PGC: variants seen among roughly 807,000 people sequenced by gnomAD.
PGC encodes the protein gastricsin.
Under a neutral mutation model 45.9 loss-of-function variants are expected in PGC, and 31 were observed. The ratio of observed to expected loss-of-function variants is 0.67; its 90% CI spans 0.51 to 0.91. PGC has a LOEUF of 0.91. Ranked by LOEUF, PGC falls within the 40% of genes least tolerant of loss-of-function variation. PGC has a pLI of 0.00. For missense variants in PGC, 477 were observed against 493.2 expected (o/e 0.97, Z 0.31); for synonymous variants, 192 against 201.8 (o/e 0.95, Z 0.41).
In PGC at chr6:41,740,510, A is replaced by G; in HGVS notation, c.748T>C (p.Trp250Arg). 1 of 1,610,770 alleles carries G rather than the reference A, an allele frequency of 6.2e-7. No individual in the cohort carries two copies. Among genetic ancestry groups the G allele is most frequent in the Non-Finnish European group, 8.5e-7 (1 of 1,178,442 alleles). ...YWAPVTQELY[W>R]QIGIEEFLIG... ...ACTCACTCTTCAATGCCAATCTGCC[A>G]GTAGAGTTCCTGGGTGACAGGCGCC... The change falls in exon 6 of 9, where the codon TGG becomes CGG. Residue 250 changes from tryptophan (W) to arginine (R), a missense_variant. Transcript: ENST00000373025.
chr6:41,742,419 T>C lies in PGC; in HGVS notation c.518A>G (p.Tyr173Cys), dbSNP rs868562811. ...GCCCATGATGCCATCAAACTGCGCA[T>C]AGACGAAGTTGGTACCAGGCTCATT... The part of the protein sequence containing the change: ...SENEPGTNFV[Y>C]AQFDGIMGLA... Residue 173 changes from tyrosine to cysteine, a missense_variant, in exon 5 of 9, where the codon TAT (tyrosine) becomes TGT (cysteine). By Grantham distance (194) the Tyr-to-Cys change is radical (BLOSUM62 -2). Transcript: ENST00000373025. 10 of 1,614,062 alleles carry C rather than the reference T, an allele frequency of 6.2e-6. No homozygotes were observed. The highest frequency in any genetic ancestry group is 8.5e-6 in the Non-Finnish European group (10 of 1,179,982).
At chr6:41,739,150 G>T (rs775724549) in intron 7 of PGC, among the ~76,000 whole-genome samples, 1 of 152,154 alleles carries the variant, frequency 6.6e-6, no homozygotes, top group African/African-American at 2.4e-5. Context: ...GGGATAAAGG[G>T]TCAGCCCTGG....
rs1410073811 is a variant in PGC at position 41,739,847 on chromosome 6, CAT to C, written c.865_866del (p.Met289GlufsTer13). 2.5e-6 allele frequency: 4 copies of C among 1,614,120 alleles called. No homozygotes were observed. Among genetic ancestry groups the C allele is most frequent in the Non-Finnish European group, 3.4e-6 (4 of 1,179,996 alleles). ...TSLLTVPQQY[M>X]SALLQATGAQ... ...CCCCTGTGGCCTGCAGAAGAGCACT[CAT>C]GTACTGCTGGGGCACAGTGAGCAGA... On this transcript the variant is annotated frameshift_variant, in exon 7 of 9. Coordinates refer to ENST00000373025, the MANE Select transcript of PGC (RefSeq NM_002630.4). LOFTEE classifies it high-confidence loss of function.
At chr6:41,738,179 C>CATATATATAT (rs1293180457) in intron 7 of PGC, among the ~76,000 whole-genome samples, 2 of 21,310 alleles carry the variant, frequency 9.4e-5, no homozygotes, top group African/African-American at 1.9e-4. Context: ...TATATATATA[C>CATATATATAT]ATATATATAT....
rs374573617 is a variant in PGC, at chr6:41,736,810, G to A, written c.*42C>T. 2 of 1,608,604 alleles carry A rather than the reference G, an allele frequency of 1.2e-6. No homozygotes were observed. Among genetic ancestry groups the A allele is most frequent in the South Asian group, 2.2e-5 (2 of 90,930 alleles). The stretch of plus-strand genomic sequence containing the variant: ...GATACAATGCCCTAGGAGGGTGCAG[G>A]GTCAAGAGGAAGAGGGGAGCCCACG... On this transcript the variant is annotated 3_prime_UTR_variant, in exon 9 of 9. Coordinates refer to ENST00000373025, the MANE Select transcript of PGC (RefSeq NM_002630.4).
At chr6:41,740,284 C>T (rs1317577509) in intron 6 of PGC, among the ~76,000 whole-genome samples, 1 of 152,172 alleles carries the variant, frequency 6.6e-6, no homozygotes, top group African/African-American at 2.4e-5. Context: ...GGTCCTGCCC[C>T]TCCCTATGTT....
chr6:41,738,227 CATATATATATGTAT>C (rs1771749221), intron 7 of PGC, among the ~76,000 whole-genome samples: 1 of 13,304 alleles, frequency 7.5e-5, no homozygotes. Context: ...TATATATATG[CATATATATATGTAT>C]ATATATATGC....
At chr6:41,737,870 G>A in intron 7 of PGC, 42 bp from the exon 8 acceptor site, 1 of 1,184,490 alleles carries the variant, frequency 8.4e-7, no homozygotes, top group Non-Finnish European at 1.3e-6. Context: ...TCCTCCCCCT[G>A]ATAGCACCCA....
intron 7 of PGC, 115 bp from the exon 8 acceptor site, chr6:41,737,943 G>A: frequency 4.7e-6 from 3 of 636,974 alleles, no homozygotes; most frequent in Non-Finnish European, 8.6e-6. Flanking sequence ...CCCTAAGCCT[G>A]TTTTTGGACT....
chr6:41,737,790 G>A lies in PGC; in HGVS notation c.954C>T (p.Ser318=). 6.2e-7 allele frequency: 1 copy of A among 1,612,746 alleles called. No individual in the cohort carries two copies. The stretch of plus-strand genomic sequence containing the variant: ...CCACACCATTGATGATGAAGGTCAA[G>A]CTGGGCAGATTCTGAATGCTGTTAC... The part of the protein sequence containing the change: ...VNCNSIQNLP[S]LTFIINGVEF... Residue 318 remains serine (S), a synonymous_variant, in exon 8 of 9, where the codon AGC becomes AGT. Coordinates refer to ENST00000373025, the MANE Select transcript of PGC (RefSeq NM_002630.4).
rs542773120 is a variant in PGC at position 41,738,155 on chromosome 6, T to C, written c.916-327A>G. On this transcript the variant is annotated intron_variant, in intron 7 of 8. Transcript: ENST00000373025. Reference sequence around the variant, plus strand: ...ATGCATATATATATGCATATATATATACATATATATGCATATATATATACA... The same window carrying C: ...ATGCATATATATATGCATATATATACACATATATATGCATATATATATACA... 1.6e-3 allele frequency among the ~76,000 whole-genome samples: 54 copies of C among 32,844 alleles called. 6 individuals are homozygous for C. Among genetic ancestry groups the C allele is most frequent in the African/African-American group, 2.2e-3 (18 of 8,310 alleles). 21.5% of individuals were successfully genotyped at this position (32,844 alleles called of 152,430 possible). A position where few individuals can be genotyped will look rare whatever the true frequency, so the allele number is the denominator to read the frequency against.
intron 1 of PGC, among the ~76,000 whole-genome samples, chr6:41,745,384 G>T (rs565590362): frequency 6.6e-6 from 1 of 150,722 alleles, no homozygotes; most frequent in Non-Finnish European, 1.5e-5. Context: ...AATTACAGGC[G>T]CCTGTCACCA....
chr6:41,738,069 G>A (rs943693655), intron 7 of PGC, among the ~76,000 whole-genome samples: 3 of 147,784 alleles, frequency 2.0e-5, no homozygotes, highest in African/African-American at 7.5e-5. Flanking sequence ...CTCTTGCCTC[G>A]ATTTCCCATA....
At position 41,744,993 on chromosome 6, in the gene PGC, CTCTGTG is replaced by C. The variant is rs374031973; in HGVS notation, c.60-191_60-186del. On this transcript the variant is annotated intron_variant, in intron 1 of 8. Transcript: ENST00000373025. The surrounding 1 kb of genome is among the most constrained non-coding windows in gnomAD (Gnocchi z 4.4). The stretch of plus-strand genomic sequence containing the variant: ...GCTCTCTGTCTCTGTCTGTCTGTCT[CTCTGTG>C]TGTGTGTGTGTGTGTGCGCGCGCGC... 3.6e-3 allele frequency among the ~76,000 whole-genome samples: 472 copies of C among 132,080 alleles called. 3 individuals are homozygous for C. The highest frequency in any genetic ancestry group is 3.9e-3 in the African/African-American group (115 of 29,844). 86.6% of individuals were successfully genotyped at this position (132,080 alleles called of 152,430 possible).
rs1008764927 is a variant in PGC, at chr6:41,741,258, G to A, written c.648-648C>T. ...TACACGCAGAGGAATCATAAACAGA[G>A]GTGGAGAGGAAGTTAGCAACATTAG... On this transcript the variant is annotated intron_variant, in intron 5 of 8. Transcript: ENST00000373025. The A allele has an allele frequency of 3.5e-6, 5 of 1,442,948 alleles. No homozygotes were observed. The African/African-American group carries it at 4.3e-5, about 12-fold the overall frequency. The allele number at this position is 1,442,948 out of a possible 1,614,324, so 89.4% of individuals were successfully genotyped here.
At chr6:41,741,239 C>T (rs1239601555) in intron 5 of PGC, 1 of 1,457,132 alleles carries the variant, frequency 6.9e-7, no homozygotes, top group Non-Finnish European at 9.0e-7. Context: ...TGTTTACACG[C>T]AGAGGAATCA....
At chr6:41,737,667 G>C in intron 8 of PGC, 63 bp downstream of exon 8, 1 of 962,198 alleles carries the variant, frequency 1.0e-6, no homozygotes, top group Non-Finnish European at 1.7e-6. Flanking sequence ...AGCATTTCTG[G>C]CTCCCCAGCC....
chr6:41,745,960 C>T (rs1351274483), intron 1 of PGC, among the ~76,000 whole-genome samples: 1 of 151,620 alleles, frequency 6.6e-6, no homozygotes, highest in Non-Finnish European at 1.5e-5. Flanking sequence ...GTCAGGAGTT[C>T]GAGACCAGAC....
In PGC at chr6:41,744,520, G is replaced by A. The variant is rs748118068; in HGVS notation, c.211-6C>T. 5.0e-6 allele frequency: 8 copies of A among 1,608,692 alleles called. No individual in the cohort carries two copies. The South Asian group carries it at 7.7e-5, about 15-fold the overall frequency. ...ATCTCACCAAAGTAGGCAGCCTGGG[G>A]GCCATGGAGCAAGCTGTTAGTTCCA... On this transcript the variant is annotated splice_region_variant and splice_polypyrimidine_tract_variant and intron_variant, in intron 2 of 8. Transcript: ENST00000373025. This position sits in a 1 kb window ranked among gnomAD's most constrained non-coding sequence, Gnocchi z 4.4.
Sources: gnomAD v4.1 joint callset for allele counts (sites outside exome capture counted in the v4.1 genomes callset) on GRCh38, gnomAD v4.1.1 for gene constraint, Gnocchi (gnomAD v3.1) non-coding constraint, MANE v1.5 for transcripts, NCBI Gene and HGNC (gene_info 2026-07-23, HGNC 2026-07-21) for gene names.